PKD2L1: variants seen among roughly 807,000 people sequenced by gnomAD.
The protein encoded by PKD2L1 is polycystin-2-like protein 1.
In PKD2L1, 77 loss-of-function variants were observed where a neutral mutation model predicts 93.0. The ratio of observed to expected loss-of-function variants is 0.83; its 90% CI spans 0.69 to 1.00. The LOEUF is 1.00. PKD2L1 is among the 50% of genes least tolerant of loss of function. The pLI is 0.00. For missense variants in PKD2L1, 977 were observed against 990.9 expected, an observed-to-expected ratio of 0.99 and a Z score of 0.19; for synonymous variants, 390 against 388.0, an observed-to-expected ratio of 1.01 and a Z score of -0.06.
chr10:100,310,313 T>C (rs1848905555), intron 2 of PKD2L1, among the ~76,000 whole-genome samples: 1 of 152,148 alleles, frequency 6.6e-6, no homozygotes, highest in African/African-American at 2.4e-5. Context: ...CACTCCAGTC[T>C]GGGTGACAGA....
intron 13 of PKD2L1, 86 bp from the exon 14 acceptor site, chr10:100,290,224 A>G: frequency 6.5e-7 from 1 of 1,546,186 alleles, no homozygotes; most frequent in Non-Finnish European, 8.9e-7. Flanking sequence ...ACAGAAGGGC[A>G]TGTGTCCTGA....
chr10:100,318,106 A>G (rs996775963), intron 2 of PKD2L1, among the ~76,000 whole-genome samples: 3 of 151,934 alleles, frequency 2.0e-5, no homozygotes, highest in Non-Finnish European at 2.9e-5. Flanking sequence ...GAGAGAAGAA[A>G]AGATTGCCCT....
Position 100,299,021 on chromosome 10 carries a change from C to G in PKD2L1, c.478-206G>C, listed in dbSNP as rs1268842868. ...GGAGTGCAGTGACACAATCTCGGCTCACCGCAACCTCTGCAACCTCTGCCT... is the reference window on the plus strand; with the variant it reads ...GGAGTGCAGTGACACAATCTCGGCTGACCGCAACCTCTGCAACCTCTGCCT... On this transcript the variant is annotated intron_variant, in intron 3 of 15. Transcript: ENST00000318222. 1.6e-4 allele frequency among the ~76,000 whole-genome samples: 23 copies of G among 145,702 alleles called. 1 individual carries two copies. Among genetic ancestry groups the G allele is most frequent in the Admixed American group, 1.5e-3 (22 of 14,712 alleles).
chr10:100,311,692 A>T (rs1270942545), intron 2 of PKD2L1, among the ~76,000 whole-genome samples: 1 of 152,152 alleles, frequency 6.6e-6, no homozygotes, highest in African/African-American at 2.4e-5. Flanking sequence ...GTGATATGTG[A>T]TGGAACACAG....
intron 4 of PKD2L1, among the ~76,000 whole-genome samples, chr10:100,297,997 CT>C (rs1848589863): frequency 6.6e-6 from 1 of 152,112 alleles, no homozygotes; most frequent in Non-Finnish European, 1.5e-5. Flanking sequence ...AATAGTCCCC[CT>C]AAGGGAAGCA....
At chr10:100,297,827 A>G (rs1848586937) in intron 4 of PKD2L1, among the ~76,000 whole-genome samples, 1 of 151,878 alleles carries the variant, frequency 6.6e-6, no homozygotes, top group South Asian at 2.1e-4. Context: ...AGGGAGAGTG[A>G]ATATTATCCA....
At chr10:100,327,255 C>T (rs1849399876) in intron 2 of PKD2L1, among the ~76,000 whole-genome samples, 1 of 152,172 alleles carries the variant, frequency 6.6e-6, no homozygotes, top group Admixed American at 6.5e-5. Flanking sequence ...TGACAGAGCA[C>T]CATGGGAAGG....
In PKD2L1 at chr10:100,294,625, G is replaced by C; in HGVS notation, c.1569C>G (p.Asp523Glu). 6.2e-7 allele frequency: 1 copy of C among 1,614,060 alleles called. No homozygotes were observed. Among genetic ancestry groups the C allele is most frequent in the Non-Finnish European group, 8.5e-7 (1 of 1,179,994 alleles). Reference sequence around the variant, plus strand: ...CATTGTCGATAGCATTGTAGTCAAAGTCCCCGAGGATTATCCGGAACTGAG... The same window carrying C: ...CATTGTCGATAGCATTGTAGTCAAACTCCCCGAGGATTATCCGGAACTGAG... ...IFTQFRIILG[D>E]FDYNAIDNAN... is the part of the protein sequence containing the mutation. The change falls in exon 9 of 16, where the codon GAC becomes GAG. Residue 523 changes from aspartate to glutamate, a missense_variant. Asp to Glu is a conservative substitution (Grantham distance 45). Transcript: ENST00000318222.
At chr10:100,311,242 A>G (rs373643743) in intron 2 of PKD2L1, among the ~76,000 whole-genome samples, 1 of 152,018 alleles carries the variant, frequency 6.6e-6, no homozygotes, top group East Asian at 1.9e-4. Context: ...CATTTGCAGT[A>G]CTCTTGTTTA....
chr10:100,295,971 G>C, intron 7 of PKD2L1, 151 bp downstream of exon 7: 2 of 607,328 alleles, frequency 3.3e-6, no homozygotes, highest in Non-Finnish European at 5.5e-6. Context: ...AGGAGGTGGA[G>C]GTTGCAGTGA....
chr10:100,297,725 TGTG>T, intron 4 of PKD2L1, 119 bp from the exon 5 acceptor site: 2 of 620,376 alleles, frequency 3.2e-6, no homozygotes, highest in East Asian at 5.5e-5. Flanking sequence ...TGTGTGTGTG[TGTG>T]TGTGTGTGTG....
chr10:100,293,365 G>T lies in PKD2L1; in HGVS notation c.1674C>A (p.Ala558=). ...VFFVLLNMFL[A]IINDTYSEVK... The stretch of plus-strand genomic sequence containing the variant: ...CCTCTGAATATGTGTCATTGATGAT[G>T]GCCAGGAACATGTTCTGGAAAATGA... The change falls in exon 10 of 16, where the codon GCC becomes GCA. Residue 558 remains alanine (A), a synonymous_variant. Coordinates refer to ENST00000318222, the MANE Select transcript of PKD2L1 (RefSeq NM_016112.3). 6.2e-7 allele frequency: 1 copy of T among 1,611,284 alleles called. No homozygotes were observed. Among genetic ancestry groups the T allele is most frequent in the Non-Finnish European group, 8.5e-7 (1 of 1,177,450 alleles).
In PKD2L1 at chr10:100,297,166, G is replaced by A; in HGVS notation, c.999C>T (p.Ser333=). ...TCAGCTTGACTGTGCGGATTTGCCA[G>A]GATGGGATGGCACCTCCTGTAGCTG... ...EFPATGGAIP[S]WQIRTVKLIR... Residue 333 remains serine (S), a synonymous_variant, in exon 6 of 16, where the codon TCC becomes TCT. Coordinates refer to ENST00000318222, the MANE Select transcript of PKD2L1 (RefSeq NM_016112.3). The A allele has an allele frequency of 6.2e-7, 1 of 1,614,154 alleles. No homozygotes were observed. Among genetic ancestry groups the A allele is most frequent in the Non-Finnish European group, 8.5e-7 (1 of 1,180,034 alleles).
At chr10:100,293,098 T>G (rs1848442899) in intron 10 of PKD2L1, 29 bp from the exon 11 acceptor site, 1 of 1,608,282 alleles carries the variant, frequency 6.2e-7, no homozygotes. Flanking sequence ...AGGCACAAGT[T>G]CTCACAGGCT....
chr10:100,297,157 G>A lies in PKD2L1; in HGVS notation c.1008C>T (p.Ile336=). ...CATAGCGGATCAGCTTGACTGTGCG[G>A]ATTTGCCAGGATGGGATGGCACCTC... is the stretch of plus-strand genomic sequence containing the variant. ...ATGGAIPSWQ[I]RTVKLIRYVS... The change falls in exon 6 of 16, where the codon ATC becomes ATT. Residue 336 remains isoleucine, a synonymous_variant. Transcript: ENST00000318222. The A allele has an allele frequency of 6.2e-7, 1 of 1,614,160 alleles. No homozygotes were observed. Among genetic ancestry groups the A allele is most frequent in the Non-Finnish European group, 8.5e-7 (1 of 1,180,040 alleles).
chr10:100,321,678 A>G (rs1286272985), intron 2 of PKD2L1, among the ~76,000 whole-genome samples: 1 of 658 alleles, frequency 1.5e-3, no homozygotes, highest in African/African-American at 4.3e-3. Flanking sequence ...AAAGAAAGAA[A>G]GAAAGAAAGA....
chr10:100,304,112 T>C (rs1848746334), intron 2 of PKD2L1, among the ~76,000 whole-genome samples: 1 of 152,214 alleles, frequency 6.6e-6, no homozygotes, highest in Non-Finnish European at 1.5e-5. Flanking sequence ...TATTCGCTAT[T>C]TGTAACTTTT....
At chr10:100,329,825 T>A in intron 1 of PKD2L1, 44 bp downstream of exon 1, 9 of 1,308,486 alleles carry the variant, frequency 6.9e-6, no homozygotes, top group South Asian at 1.3e-5. Flanking sequence ...TGGTGACTCC[T>A]CCTGATTCTA....
chr10:100,328,289 C>A (rs1298199861), intron 2 of PKD2L1, among the ~76,000 whole-genome samples: 1 of 152,172 alleles, frequency 6.6e-6, no homozygotes, highest in Non-Finnish European at 1.5e-5. Flanking sequence ...TATCTTTTCA[C>A]TTGCTTCTCT....
Sources: allele counts gnomAD v4.1 joint callset (sites outside exome capture counted in the v4.1 genomes callset), GRCh38; gene constraint gnomAD v4.1.1; transcripts MANE v1.5; gene names NCBI Gene and HGNC (gene_info 2026-07-23, HGNC 2026-07-21).